The following MTMR14 variants were observed in gnomAD, a reference collection of about 807,000 sequenced individuals.
MTMR14 encodes myotubularin related protein 14.
MTMR14 carries 48 observed loss-of-function variants against 86.3 expected under a neutral mutation model. The ratio of observed to expected loss-of-function variants is 0.56; its 90% CI spans 0.44 to 0.71. The LOEUF (loss-of-function observed/expected upper bound fraction) is 0.71. Ranked by LOEUF, MTMR14 falls within the 30% of genes least tolerant of loss-of-function variation. The pLI, the probability that MTMR14 is intolerant of heterozygous loss-of-function variation, is 0.00. For missense variants in MTMR14, 780 were observed against 834.6 expected (o/e 0.93, Z 0.81); for synonymous variants, 366 against 326.1 (o/e 1.12, Z -1.32).
At chr3:9,663,661 C>A in intron 3 of MTMR14, among the ~76,000 whole-genome samples, 1 of 137,944 alleles carries the variant, frequency 7.2e-6, no homozygotes, top group East Asian at 2.2e-4. Flanking sequence ...CTACAGGCAC[C>A]CGCCACCACG....
At chr3:9,668,322 G>A (rs1442358455) in intron 3 of MTMR14, among the ~76,000 whole-genome samples, 1 of 152,062 alleles carries the variant, frequency 6.6e-6, no homozygotes, top group African/African-American at 2.4e-5. Context: ...ACCTCCCTTA[G>A]CCTGTTTTTC....
intron 4 of MTMR14, 88 bp downstream of exon 4, chr3:9,668,882 G>A (rs183079611): frequency 7.3e-7 from 1 of 1,367,112 alleles, no homozygotes; most frequent in Non-Finnish European, 1.0e-6. Context: ...CCTCACGCCT[G>A]TAATCTCAAC....
rs756001575 is a variant in MTMR14 at position 9,697,665 on chromosome 3, A to G, written c.1614-46A>G. On this transcript the variant is annotated intron_variant, in intron 17 of 18. Coordinates refer to ENST00000296003, the MANE Select transcript of MTMR14 (RefSeq NM_001077525.3). ...GCCCCCTCCAGAGCCTGTGTCAGGC[A>G]TATGACTGACTGCATCCTCTCCCCT... 26 of 1,602,478 alleles carry G rather than the reference A, an allele frequency of 1.6e-5. No individual in the cohort carries two copies. The East Asian group carries it at 3.4e-4, about 21-fold the overall frequency.
intron 2 of MTMR14, among the ~76,000 whole-genome samples, chr3:9,656,282 C>T (rs796263065): frequency 6.6e-6 from 1 of 152,104 alleles, no homozygotes; most frequent in Admixed American, 6.6e-5. Context: ...GTAAATAGAT[C>T]ACAGAAACAG....
intron 2 of MTMR14, among the ~76,000 whole-genome samples, chr3:9,661,866 C>T (rs1052844190): frequency 4.6e-5 from 7 of 151,782 alleles, no homozygotes; most frequent in African/African-American, 1.5e-4. Flanking sequence ...GTGGGCGGAT[C>T]GCCTGAGGTC....
chr3:9,681,905 G>A (rs1004227860), intron 9 of MTMR14, among the ~76,000 whole-genome samples: 2 of 152,164 alleles, frequency 1.3e-5, no homozygotes, highest in Admixed American at 1.3e-4. Flanking sequence ...CCCAGCCTTG[G>A]GAACTTGCTG....
chr3:9,687,478 C>T (rs891961997), intron 13 of MTMR14, among the ~76,000 whole-genome samples: 2 of 152,050 alleles, frequency 1.3e-5, no homozygotes, highest in African/African-American at 2.4e-5. Flanking sequence ...TGGCTTGAAC[C>T]CAGGAGGCTG....
At chr3:9,676,457 T>A (rs1045038687) in intron 7 of MTMR14, among the ~76,000 whole-genome samples, 1 of 152,278 alleles carries the variant, frequency 6.6e-6, no homozygotes, top group Non-Finnish European at 1.5e-5. Context: ...GGGCTGGCAC[T>A]GTGGGCTCTT....
chr3:9,661,983 G>C (rs1474700409), intron 2 of MTMR14, among the ~76,000 whole-genome samples: 2 of 151,868 alleles, frequency 1.3e-5, no homozygotes, highest in African/African-American at 4.8e-5. Flanking sequence ...GCATACTCGG[G>C]AGGCTGAGAC....
chr3:9,684,749 G>C, intron 11 of MTMR14, 79 bp downstream of exon 11: 1 of 1,567,120 alleles, frequency 6.4e-7, no homozygotes, highest in Non-Finnish European at 8.8e-7. Context: ...TGGAGCAGGG[G>C]ATGCCATCGC....
intron 7 of MTMR14, among the ~76,000 whole-genome samples, chr3:9,676,161 C>G (rs1320566355): frequency 6.6e-6 from 1 of 152,216 alleles, no homozygotes; most frequent in Non-Finnish European, 1.5e-5. Flanking sequence ...CGATTGTTTT[C>G]TTGCCTCTGG....
chr3:9,649,832 G>A, intron 1 of MTMR14, 90 bp downstream of exon 1: 4 of 1,572,880 alleles, frequency 2.5e-6, no homozygotes, highest in Non-Finnish European at 3.4e-6. Context: ...AAAAAGGTAG[G>A]AGTGGTACCT....
In MTMR14 at chr3:9,690,010, C is replaced by G; in HGVS notation, c.1480C>G (p.Pro494Ala). The G allele has an allele frequency of 6.2e-7, 1 of 1,612,066 alleles. No individual in the cohort carries two copies. The highest frequency in any genetic ancestry group is 8.5e-7 in the Non-Finnish European group (1 of 1,179,904). ...SSPQSVLWNR[P>A]QPSEDRLPSQ... ...TCCACAGAGTGTCCTCTGGAACCGG[C>G]CACAACCCTCAGAGGACCGCTTGCC... Residue 494 changes from proline (P) to alanine (A), a missense_variant, in exon 17 of 19, where the codon CCA (proline) becomes GCA (alanine). Coordinates refer to ENST00000296003, the MANE Select transcript of MTMR14 (RefSeq NM_001077525.3).
At chr3:9,670,982 T>G in intron 5 of MTMR14, 66 bp from the exon 6 acceptor site, 1 of 1,608,348 alleles carries the variant, frequency 6.2e-7, no homozygotes, top group Non-Finnish European at 8.5e-7. Flanking sequence ...CCTGAATGAG[T>G]GCCCACCCCC....
intron 17 of MTMR14, among the ~76,000 whole-genome samples, chr3:9,695,503 C>T (rs1559618990): frequency 6.6e-6 from 1 of 152,162 alleles, no homozygotes; most frequent in Admixed American, 6.5e-5. Flanking sequence ...GCTGCAAGTG[C>T]GGTTCTTGGC....
rs1362018602 is a variant in MTMR14 at position 9,649,586 on chromosome 3, GGCCGGCGCTCGGGCCGCCGCC to G, written c.8_28del (p.Gly3_Ala9del). The G allele has an allele frequency of 6.5e-7, 1 of 1,544,640 alleles. No individual in the cohort carries two copies. Among genetic ancestry groups the G allele is most frequent in the Admixed American group, 2.0e-5 (1 of 50,812 alleles). On this transcript the variant is annotated inframe_deletion, in exon 1 of 19. Transcript: ENST00000296003. ...CTGAGGGGACGCGGGGCTGGGCCATGGCCGGCGCTCGGGCCGCCGCCGCCGCTGCCTCGGCGGGGTCCTCGG... is the reference window on the plus strand; with the variant it reads ...CTGAGGGGACGCGGGGCTGGGCCATGGCCGCTGCCTCGGCGGGGTCCTCGG...
Position 9,689,093 on chromosome 3 carries a change from A to G in MTMR14, c.1433+11A>G, listed in dbSNP as rs2125317084. ...AACTCAGGCAGCTTGGTAAGGGGCC[A>G]GACTTGGACCAAGGTCACTCACAGC... On this transcript the variant is annotated intron_variant, in intron 16 of 18. Transcript: ENST00000296003. 1 of 1,608,708 alleles carries G rather than the reference A, an allele frequency of 6.2e-7. No individual in the cohort carries two copies. The highest frequency in any genetic ancestry group is 2.2e-5 in the East Asian group (1 of 44,878).
intron 2 of MTMR14, among the ~76,000 whole-genome samples, chr3:9,661,502 C>G (rs1350148052): frequency 6.6e-6 from 1 of 152,132 alleles, no homozygotes; most frequent in Non-Finnish European, 1.5e-5. Flanking sequence ...TCGTACTGAT[C>G]TGGGGCTCAG....
At chr3:9,668,090 G>A (rs1035301378) in intron 3 of MTMR14, among the ~76,000 whole-genome samples, 7 of 152,064 alleles carry the variant, frequency 4.6e-5, no homozygotes, top group African/African-American at 1.7e-4. Flanking sequence ...TAGATATTGA[G>A]GTTTGTGCCA....
Sources: allele counts gnomAD v4.1 joint callset (sites outside exome capture counted in the v4.1 genomes callset), GRCh38; gene constraint gnomAD v4.1.1; transcripts MANE v1.5; gene names NCBI Gene and HGNC (gene_info 2026-07-23, HGNC 2026-07-21).